Variants in ANKRD26 observed in about 807,000 individuals in gnomAD.
ANKRD26 encodes ankyrin repeat domain-containing protein 26.
ANKRD26 carries 141 observed loss-of-function variants against 208.7 expected under a neutral mutation model. The observed-to-expected ratio is 0.68, with a 90% CI of 0.59 to 0.78. The LOEUF (loss-of-function observed/expected upper bound fraction) is 0.78, where lower values mean the gene tolerates loss of function less well. Among genes scored for constraint, ANKRD26 ranks in the 30% least tolerant of loss-of-function variants. The pLI is 0.00. For synonymous variants in ANKRD26, 636 were observed against 660.4 expected (o/e 0.96, Z 0.57); for missense variants, 1,889 against 1,938.7 (o/e 0.97, Z 0.48).
At chr10:27,016,999 G>A (rs2053316644) in intron 30 of ANKRD26, among the ~76,000 whole-genome samples, 1 of 152,074 alleles carries the variant, frequency 6.6e-6, no homozygotes, top group Non-Finnish European at 1.5e-5. Flanking sequence ...ACCAGCCTGG[G>A]CAACAAAGCA....
At chr10:27,049,606 C>G (rs1489393437) in intron 16 of ANKRD26, among the ~76,000 whole-genome samples, 1 of 151,988 alleles carries the variant, frequency 6.6e-6, no homozygotes, top group Non-Finnish European at 1.5e-5. Flanking sequence ...AGATGCTTCC[C>G]GAATTTCACA....
chr10:26,969,257 T>A (rs1402763719), downstream of ANKRD26, among the ~76,000 whole-genome samples: 1 of 152,170 alleles, frequency 6.6e-6, no homozygotes, highest in Non-Finnish European at 1.5e-5. Flanking sequence ...TCAGGAAATA[T>A]CTCTGTGTAT....
At chr10:27,034,686 T>G (rs1395767018) in intron 24 of ANKRD26, 110 bp downstream of exon 24, 3 of 677,750 alleles carry the variant, frequency 4.4e-6, no homozygotes, top group Non-Finnish European at 7.1e-6. Context: ...TCTAAACTGA[T>G]AGAGTAAATA....
chr10:26,998,592 C>A (rs1262612677), intron 4 of ANKRD26, among the ~76,000 whole-genome samples: 1 of 152,200 alleles, frequency 6.6e-6, no homozygotes, highest in Non-Finnish European at 1.5e-5. Flanking sequence ...GTGGGCAAAC[C>A]CAATTGGATC....
Position 27,035,421 on chromosome 10 carries a change from T to A in ANKRD26, c.3029A>T (p.His1010Leu). The A allele has an allele frequency of 1.2e-6, 2 of 1,614,028 alleles. No individual in the cohort carries two copies. Among genetic ancestry groups the A allele is most frequent in the East Asian group, 4.5e-5 (2 of 44,858 alleles). Residue 1010 changes from histidine to leucine, a missense_variant, in exon 24 of 34, where the codon CAT (histidine) becomes CTT (leucine). His to Leu is a moderately conservative substitution (Grantham distance 99, BLOSUM62 -3). Transcript: ENST00000376087. ...ERLEAEVESYHSRLAAAIHDR... is the reference protein window; with the variant it reads ...ERLEAEVESYLSRLAAAIHDR... ...ATGTATAGCAGCAGCCAATCTAGAATGGTATGATTCAACTTCTGCTTCCAG... is the reference window on the plus strand; with the variant it reads ...ATGTATAGCAGCAGCCAATCTAGAAAGGTATGATTCAACTTCTGCTTCCAG...
exon 6 of ANKRD26, among the ~76,000 whole-genome samples, chr10:26,974,487 C>T (rs1187769658): frequency 3.9e-5 from 6 of 151,990 alleles, no homozygotes; most frequent in Non-Finnish European, 8.8e-5. Flanking sequence ...ACTACAGGCA[C>T]CCGCCACCAC....
At chr10:27,046,129 A>T in intron 18 of ANKRD26, 1 of 516,136 alleles carries the variant, frequency 1.9e-6, no homozygotes, top group Non-Finnish European at 3.5e-6. Context: ...TCTCAGTCCA[A>T]GTTCTCTCAA....
rs1414829249 is a variant in ANKRD26 at position 27,092,587 on chromosome 10, ATCCTTTGAAC to A, written c.532-85_532-76del. 5 of 1,108,442 alleles carry A rather than the reference ATCCTTTGAAC, an allele frequency of 4.5e-6. No individual in the cohort carries two copies. In the African/African-American group the frequency reaches 7.7e-5, roughly 17 times the overall value. The allele number at this position is 1,108,442 out of a possible 1,614,324, so 68.7% of individuals were successfully genotyped here. A position where few individuals can be genotyped will look rare whatever the true frequency, so the allele number is the denominator to read the frequency against. ...GGCTGAACTGAAAACTCTATGTCAG[ATCCTTTGAAC>A]TGAAACATATAAAATAGAAAACAAA... On this transcript the variant is annotated intron_variant, in intron 3 of 33. Coordinates refer to ENST00000376087, the MANE Select transcript of ANKRD26 (RefSeq NM_014915.3).
chr10:26,987,831 GTAA>G (rs1458856620), downstream of ANKRD26, among the ~76,000 whole-genome samples: 2 of 152,182 alleles, frequency 1.3e-5, no homozygotes, highest in African/African-American at 2.4e-5. Flanking sequence ...GGAAGAACAC[GTAA>G]TAATATCTTC....
chr10:27,051,117 C>T (rs184107678), intron 16 of ANKRD26: 2 of 1,289,502 alleles, frequency 1.6e-6, no homozygotes, highest in South Asian at 1.2e-5. Flanking sequence ...TTTTAACATG[C>T]CTATCTCATT....
chr10:27,007,028 G>T, intron 32 of ANKRD26, 66 bp from the exon 33 acceptor site: 2 of 1,218,030 alleles, frequency 1.6e-6, no homozygotes, highest in Non-Finnish European at 2.4e-6. Flanking sequence ...TAGAAATGAT[G>T]TATCACTTAC....
At chr10:26,953,095 A>G in the ANKRD26 span, among the ~76,000 whole-genome samples, 4 of 152,232 alleles carry the variant, frequency 2.6e-5, no homozygotes, top group Non-Finnish European at 5.9e-5. Context: ...CATAATATCT[A>G]CAATAAGACC....
At chr10:27,000,200 C>A (rs1023664771), downstream of ANKRD26, among the ~76,000 whole-genome samples, 7 of 152,098 alleles carry the variant, frequency 4.6e-5, no homozygotes, top group South Asian at 2.1e-4. Flanking sequence ...AACTCCTGAC[C>A]CACAGAAACC....
the ANKRD26 span, among the ~76,000 whole-genome samples, chr10:26,968,333 T>C: frequency 1.3e-5 from 2 of 152,194 alleles, no homozygotes; most frequent in Non-Finnish European, 1.5e-5. Flanking sequence ...TCCTTTAGGT[T>C]TCAGCTTTGA....
At chr10:27,085,289 C>T (rs931192756) in intron 5 of ANKRD26, among the ~76,000 whole-genome samples, 9 of 151,788 alleles carry the variant, frequency 5.9e-5, no homozygotes, top group African/African-American at 1.5e-4. Context: ...TTAGTAGAGA[C>T]GGGGTTTCAC....
chr10:27,089,108 G>T (rs1005245353), intron 4 of ANKRD26, among the ~76,000 whole-genome samples: 2 of 152,220 alleles, frequency 1.3e-5, no homozygotes, highest in Non-Finnish European at 2.9e-5. Context: ...ATCTCAATCA[G>T]TAAGAGCATC....
At chr10:27,093,321 T>C (rs2056359792) in intron 3 of ANKRD26, 28 bp downstream of exon 3, 14 of 1,602,984 alleles carry the variant, frequency 8.7e-6, no homozygotes, top group Non-Finnish European at 1.2e-5. Context: ...TTTCAAATAC[T>C]GTAAAAATAA....
intron 27 of ANKRD26, among the ~76,000 whole-genome samples, chr10:27,028,392 C>T (rs549638865): frequency 1.8e-3 from 279 of 151,762 alleles, no homozygotes; most frequent in Non-Finnish European, 3.5e-3. Flanking sequence ...GTCAGGAGAT[C>T]GAGACCATCC....
chr10:26,990,597 A>T (rs1324050059), downstream of ANKRD26, among the ~76,000 whole-genome samples: 1 of 152,074 alleles, frequency 6.6e-6, no homozygotes, highest in Non-Finnish European at 1.5e-5. Context: ...TATAAGGGGG[A>T]AACCTAATCC....
Sources: gnomAD v4.1 joint callset for allele counts (sites outside exome capture counted in the v4.1 genomes callset) on GRCh38, gnomAD v4.1.1 for gene constraint, MANE v1.5 for transcripts, NCBI Gene and HGNC (gene_info 2026-07-23, HGNC 2026-07-21) for gene names.